The following ZNF385D variants were observed in gnomAD, a reference collection of about 807,000 sequenced individuals.
ZNF385D encodes the protein zinc finger protein 385D.
In ZNF385D, 15 loss-of-function variants were observed where a neutral mutation model predicts 35.8. That is an observed-to-expected ratio of 0.42 (90% CI 0.28 to 0.64). The LOEUF (loss-of-function observed/expected upper bound fraction) is 0.64, where lower values mean the gene tolerates loss of function less well. Among genes scored for constraint, ZNF385D ranks in the 30% least tolerant of loss-of-function variants. The probability of loss-of-function intolerance (pLI) is 0.23; values close to 1 mark genes in which losing one functional copy is unlikely to be tolerated. For synonymous variants in ZNF385D, 212 were observed against 186.8 expected (o/e 1.13, Z -1.10); for missense variants, 474 against 494.6 (o/e 0.96, Z 0.39).
intron 2 of ZNF385D, among the ~76,000 whole-genome samples, chr3:22,257,971 A>G (rs1559483104): frequency 6.6e-6 from 1 of 151,892 alleles, no homozygotes; most frequent in Admixed American, 6.6e-5. Flanking sequence ...TAACAAGTTG[A>G]GATTGTACAA....
chr3:22,177,037 G>A (rs187607659), intron 2 of ZNF385D, among the ~76,000 whole-genome samples: 43 of 152,004 alleles, frequency 2.8e-4, no homozygotes, highest in Non-Finnish European at 5.4e-4. Context: ...CCTGTATTCT[G>A]ACCTACTGTT....
chr3:21,991,610 G>A (rs1695152613), intron 3 of ZNF385D, among the ~76,000 whole-genome samples: 2 of 152,162 alleles, frequency 1.3e-5, no homozygotes, highest in Non-Finnish European at 2.9e-5. Flanking sequence ...GCTCTAGCAC[G>A]ACAGCTAATA....
intron 3 of ZNF385D, among the ~76,000 whole-genome samples, chr3:22,067,695 G>A (rs556301771): frequency 1.3e-5 from 2 of 152,240 alleles, no homozygotes; most frequent in Admixed American, 6.5e-5. Flanking sequence ...ATTATATAAG[G>A]GAAAGAAGCA....
intron 2 of ZNF385D, among the ~76,000 whole-genome samples, chr3:22,265,625 CTA>C (rs1463126801): frequency 6.6e-6 from 1 of 151,902 alleles, no homozygotes; most frequent in Admixed American, 6.6e-5. Context: ...GACACAAGGT[CTA>C]TGAGTCAGCA....
intron 2 of ZNF385D, among the ~76,000 whole-genome samples, chr3:22,201,077 G>T (rs985111094): frequency 6.6e-6 from 1 of 152,116 alleles, no homozygotes; most frequent in African/African-American, 2.4e-5. Flanking sequence ...GTAAAGACAG[G>T]CATAGGAAAT....
chr3:21,553,247 A>G (rs925947366), intron 3 of ZNF385D, among the ~76,000 whole-genome samples: 1 of 152,182 alleles, frequency 6.6e-6, no homozygotes, highest in Non-Finnish European at 1.5e-5. Context: ...AGTAATAGAC[A>G]TATCTCAGAA....
intron 1 of ZNF385D, among the ~76,000 whole-genome samples, chr3:21,667,830 TTCTC>T (rs1451277209): frequency 6.6e-6 from 1 of 152,206 alleles, no homozygotes; most frequent in Non-Finnish European, 1.5e-5. Flanking sequence ...TAATTTCCCA[TTCTC>T]TCTTTTAGGA....
intron 3 of ZNF385D, among the ~76,000 whole-genome samples, chr3:21,818,123 A>T (rs2125725323): frequency 6.6e-6 from 1 of 152,196 alleles, no homozygotes; most frequent in Non-Finnish European, 1.5e-5. Context: ...GTGGGAATTC[A>T]ACAATGAGAA....
At chr3:22,362,443 A>G (rs779545678) in intron 2 of ZNF385D, among the ~76,000 whole-genome samples, 45 of 152,114 alleles carry the variant, frequency 3.0e-4, no homozygotes, top group Non-Finnish European at 4.1e-4. Context: ...CAATTTTCTA[A>G]GGTCAAACTC....
intron 3 of ZNF385D, among the ~76,000 whole-genome samples, chr3:21,758,141 A>T (rs768395672): frequency 3.3e-5 from 5 of 152,102 alleles, no homozygotes; most frequent in Non-Finnish European, 7.4e-5. Context: ...GCTCCCAAAC[A>T]CTGTTTGTAT....
chr3:22,216,476 T>C (rs545129584), intron 2 of ZNF385D, among the ~76,000 whole-genome samples: 1 of 152,054 alleles, frequency 6.6e-6, no homozygotes, highest in Non-Finnish European at 1.5e-5. Context: ...ATAACTAGCG[T>C]TCTTCATGAA....
rs986217334 is a variant in ZNF385D at position 21,440,356 on chromosome 3, T to A, written c.440-3153A>T. 6.6e-5 allele frequency among the ~76,000 whole-genome samples: 10 copies of A among 152,130 alleles called. No individual in the cohort carries two copies. In the East Asian group the frequency reaches 1.7e-3, roughly 27 times the overall value. ...CCTTCTCGTAACCCCTGTCTAACCA[T>A]GAGAAAAACAGAAAACAAACCTAAA... On this transcript the variant is annotated intron_variant, in intron 4 of 7. Transcript: ENST00000281523.
intron 4 of ZNF385D, among the ~76,000 whole-genome samples, chr3:21,497,755 G>C (rs2125427517): frequency 6.6e-6 from 1 of 152,104 alleles, no homozygotes; most frequent in Admixed American, 6.5e-5. Context: ...AGGCTGAGGT[G>C]GGATAATCAC....
intron 3 of ZNF385D, among the ~76,000 whole-genome samples, chr3:21,822,837 G>C (rs184222902): frequency 6.6e-6 from 1 of 152,160 alleles, no homozygotes; most frequent in East Asian, 1.9e-4. Flanking sequence ...ATTAATGCAT[G>C]TGGAATCTTA....
intron 3 of ZNF385D, among the ~76,000 whole-genome samples, chr3:21,843,586 G>A (rs2125791889): frequency 6.6e-6 from 1 of 152,020 alleles, no homozygotes; most frequent in African/African-American, 2.4e-5. Context: ...AATATATTGA[G>A]CTATTAAAAT....
chr3:21,846,021 C>G (rs1230308528), intron 3 of ZNF385D, among the ~76,000 whole-genome samples: 6 of 151,964 alleles, frequency 3.9e-5, no homozygotes, highest in Non-Finnish European at 5.9e-5. Context: ...GGCTGAGGAG[C>G]CTGCTAGTAA....
At chr3:22,123,060 A>C (rs55714387) in intron 3 of ZNF385D, among the ~76,000 whole-genome samples, 1 of 152,046 alleles carries the variant, frequency 6.6e-6, no homozygotes, top group Non-Finnish European at 1.5e-5. Flanking sequence ...TTTGAGCAAA[A>C]GAAGAATAGC....
intron 3 of ZNF385D, among the ~76,000 whole-genome samples, chr3:21,797,214 C>T (rs1052418772): frequency 5.9e-5 from 9 of 152,118 alleles, no homozygotes; most frequent in African/African-American, 2.2e-4. Flanking sequence ...ATACAAATGA[C>T]AAATAAGCCA....
At chr3:21,440,787 G>A (rs1394495517) in intron 4 of ZNF385D, among the ~76,000 whole-genome samples, 1 of 152,038 alleles carries the variant, frequency 6.6e-6, no homozygotes, top group Non-Finnish European at 1.5e-5. Flanking sequence ...GTCAACAAAT[G>A]GTGCATCATT....
Sources: gnomAD v4.1 joint callset for allele counts (sites outside exome capture counted in the v4.1 genomes callset) on GRCh38, gnomAD v4.1.1 for gene constraint, MANE v1.5 for transcripts, NCBI Gene and HGNC (gene_info 2026-07-23, HGNC 2026-07-21) for gene names.